SLCO1B1: variants seen among roughly 807,000 people sequenced by gnomAD.
SLCO1B1 encodes OATP-2.
In SLCO1B1, 81 loss-of-function variants were observed where a neutral mutation model predicts 70.1. The observed-to-expected ratio is 1.16, with a 90% CI of 0.97 to 1.39. SLCO1B1 has a LOEUF of 1.39. Among genes scored for constraint, SLCO1B1 ranks in the 40% most tolerant of loss-of-function variants. The probability of loss-of-function intolerance (pLI) is 0.00; values close to 1 mark genes in which losing one functional copy is unlikely to be tolerated. For missense variants in SLCO1B1, 895 were observed against 799.6 expected (o/e 1.12, Z -1.44); for synonymous variants, 283 against 271.5 (o/e 1.04, Z -0.42).
At position 21,197,034 on chromosome 12, in the gene SLCO1B1, T is replaced by C; in HGVS notation, c.816T>C (p.Ser272=). The change falls in exon 8 of 15, where the codon TCT becomes TCC. Residue 272 remains serine (S), a synonymous_variant. Coordinates refer to ENST00000256958, the MANE Select transcript of SLCO1B1 (RefSeq NM_006446.5). ...TGTCTGGACTATTCTCCATTATTTC[T>C]TCCATACCATTCTTTTTCTTGCCCC... ...FLVSGLFSII[S]SIPFFFLPQT... 1 of 1,613,758 alleles carries C rather than the reference T, an allele frequency of 6.2e-7. No homozygotes were observed. Among genetic ancestry groups the C allele is most frequent in the Non-Finnish European group, 8.5e-7 (1 of 1,179,724 alleles).
In SLCO1B1 at chr12:21,190,894, T is replaced by C. The variant is rs373720927; in HGVS notation, c.728-6052T>C. ...TGAGTTGTAGGATTTCCCCGTGTGC[T>C]TTAGAAATTAACCCCTTTTCATATA... On this transcript the variant is annotated intron_variant, in intron 7 of 14. Coordinates refer to ENST00000256958, the MANE Select transcript of SLCO1B1 (RefSeq NM_006446.5). 2.2e-4 allele frequency among the ~76,000 whole-genome samples: 33 copies of C among 152,272 alleles called. 1 individual carries two copies. Among genetic ancestry groups the C allele is most frequent in the African/African-American group, 7.9e-4 (33 of 41,576 alleles).
chr12:21,179,132 A>G, intron 7 of SLCO1B1, 112 bp downstream of exon 7: 2 of 726,254 alleles, frequency 2.8e-6, no homozygotes, highest in Non-Finnish European at 4.9e-6. Context: ...GCTTAATATA[A>G]TTAGAAAGTT....
intron 11 of SLCO1B1, among the ~76,000 whole-genome samples, chr12:21,215,133 T>G (rs1265349381): frequency 1.3e-5 from 2 of 152,180 alleles, no homozygotes; most frequent in African/African-American, 2.4e-5. Flanking sequence ...TGCAGAGAGA[T>G]AATGTGAGTT....
intron 12 of SLCO1B1, among the ~76,000 whole-genome samples, chr12:21,217,999 A>G (rs1941380316): frequency 1.3e-5 from 2 of 152,186 alleles, no homozygotes; most frequent in African/African-American, 4.8e-5. Flanking sequence ...AGATTTCCCT[A>G]AAAAGAAAGA....
chr12:21,136,003 T>C (rs1940215416), intron 1 of SLCO1B1, among the ~76,000 whole-genome samples: 1 of 152,204 alleles, frequency 6.6e-6, no homozygotes, highest in Admixed American at 6.5e-5. Flanking sequence ...TAGTGCTTCC[T>C]TCAGGAGCTC....
At chr12:21,172,556 G>T in intron 2 of SLCO1B1, 94 bp from the exon 3 acceptor site, 1 of 1,366,390 alleles carries the variant, frequency 7.3e-7, no homozygotes, top group Non-Finnish European at 1.0e-6. Context: ...ATGTTTTTAA[G>T]TAAAGAAGAA....
intron 2 of SLCO1B1, among the ~76,000 whole-genome samples, chr12:21,167,953 A>G (rs1179949374): frequency 6.7e-6 from 1 of 150,078 alleles, no homozygotes. Flanking sequence ...AGTAGCTGGG[A>G]TTACAGGTGA....
chr12:21,227,199 T>C (rs1941490741), intron 14 of SLCO1B1, among the ~76,000 whole-genome samples: 1 of 151,326 alleles, frequency 6.6e-6, no homozygotes. Flanking sequence ...CTTAAATATC[T>C]CTTGATAAGG....
At chr12:21,213,160 T>C (rs12367262) in intron 11 of SLCO1B1, among the ~76,000 whole-genome samples, 74,243 of 151,494 alleles carry the variant, frequency 0.49, 18,620 homozygotes, top group East Asian at 0.73. Flanking sequence ...TTCCTAGTCT[T>C]GATGGTCTTT....
chr12:21,132,783 G>A (rs970932656), intron 1 of SLCO1B1, among the ~76,000 whole-genome samples: 2 of 151,934 alleles, frequency 1.3e-5, no homozygotes, highest in East Asian at 1.9e-4. Flanking sequence ...TCTGTAGGTT[G>A]CCTGTTCACT....
chr12:21,202,057 C>T (rs1941164624), intron 9 of SLCO1B1, among the ~76,000 whole-genome samples: 1 of 152,008 alleles, frequency 6.6e-6, no homozygotes, highest in Admixed American at 6.6e-5. Context: ...ATGTCCTTTG[C>T]AGGGACATGG....
At chr12:21,211,665 A>C (rs1253569560) in intron 11 of SLCO1B1, among the ~76,000 whole-genome samples, 1 of 152,040 alleles carries the variant, frequency 6.6e-6, no homozygotes. Flanking sequence ...CCTCTGGTAG[A>C]ATTCAGCTGT....
chr12:21,135,650 T>C (rs1422694564), intron 1 of SLCO1B1, among the ~76,000 whole-genome samples: 2 of 152,154 alleles, frequency 1.3e-5, no homozygotes, highest in Non-Finnish European at 2.9e-5. Context: ...GAGACTAGGA[T>C]TGCAACCCCT....
intron 1 of SLCO1B1, among the ~76,000 whole-genome samples, chr12:21,140,597 A>T (rs970925585): frequency 2.6e-5 from 4 of 151,976 alleles, no homozygotes; most frequent in African/African-American, 7.2e-5. Flanking sequence ...ATTAGATACA[A>T]CCTAAAAGCT....
At chr12:21,175,547 G>A (rs1402511950) in intron 4 of SLCO1B1, among the ~76,000 whole-genome samples, 1 of 152,150 alleles carries the variant, frequency 6.6e-6, no homozygotes, top group African/African-American at 2.4e-5. Flanking sequence ...AGCAGTTTCT[G>A]TTAGAGACAC....
chr12:21,181,171 T>C (rs1418210379), intron 7 of SLCO1B1, among the ~76,000 whole-genome samples: 3 of 152,226 alleles, frequency 2.0e-5, no homozygotes, highest in East Asian at 1.9e-4. Context: ...AGGCCCTGCA[T>C]TGGCAAGGAC....
rs959568558 is a variant in SLCO1B1, at chr12:21,136,190, C to T, written c.-62+4954C>T. ...CTCTTCTGGCTTGTAGAGTTTCTGC[C>T]GAGAGATCAGCTGTTAGTCTGATGG... is the stretch of plus-strand genomic sequence containing the variant. On this transcript the variant is annotated intron_variant, in intron 1 of 14. Transcript: ENST00000256958. Among the ~76,000 whole-genome samples, 41 of 152,218 alleles carry T rather than the reference C, an allele frequency of 2.7e-4. No individual in the cohort carries two copies. In the East Asian group the frequency reaches 5.0e-3, roughly 19 times the overall value.
rs1402384023 is a variant in SLCO1B1 at position 21,173,835 on chromosome 12, C to T, written c.227-742C>T. On this transcript the variant is annotated intron_variant, in intron 3 of 14. Coordinates refer to ENST00000256958, the MANE Select transcript of SLCO1B1 (RefSeq NM_006446.5). ...TCGCCCAGGCTGTAGTGCAGTGGTG[C>T]GATCTCCCCTCACTGCAAGCTCTGC... is the stretch of plus-strand genomic sequence containing the variant. Among the ~76,000 whole-genome samples the T allele has an allele frequency of 2.2e-5, 3 of 138,412 alleles. No homozygotes were observed. The East Asian group carries it at 6.5e-4, about 30-fold the overall frequency. 90.8% of individuals were successfully genotyped at this position (138,412 alleles called of 152,430 possible).
intron 1 of SLCO1B1, among the ~76,000 whole-genome samples, chr12:21,137,282 A>T (rs1035344304): frequency 2.0e-5 from 3 of 152,088 alleles, no homozygotes; most frequent in Non-Finnish European, 2.9e-5. Context: ...GGGGTCAGGG[A>T]CCCACTTGAG....
Sources: allele counts gnomAD v4.1 joint callset (sites outside exome capture counted in the v4.1 genomes callset), GRCh38; gene constraint gnomAD v4.1.1; transcripts MANE v1.5; gene names NCBI Gene and HGNC (gene_info 2026-07-23, HGNC 2026-07-21).